PDE4D: variants seen among roughly 807,000 people sequenced by gnomAD.
The protein encoded by PDE4D is phosphodiesterase 4D.
Under a neutral mutation model 87.4 loss-of-function variants are expected in PDE4D, and 24 were observed. That is an observed-to-expected ratio of 0.27 (90% CI 0.20 to 0.39). The LOEUF is 0.39. Ranked by LOEUF, PDE4D falls within the 10% of genes least tolerant of loss-of-function variation. The probability of loss-of-function intolerance (pLI) is 1.00; values close to 1 mark genes in which losing one functional copy is unlikely to be tolerated. For missense variants in PDE4D, 714 were observed against 1,041.0 expected (o/e 0.69, Z 4.32); for synonymous variants, 384 against 383.2 (o/e 1.00, Z -0.02).
At chr5:60,192,537 T>C (rs1417626355) in intron 1 of PDE4D, among the ~76,000 whole-genome samples, 1 of 152,278 alleles carries the variant, frequency 6.6e-6, no homozygotes, top group Non-Finnish European at 1.5e-5. Flanking sequence ...AGTAAAGGAA[T>C]TGCTAAATAA....
rs187507765 is a variant in PDE4D, at chr5:60,013,235, A to G, written c.43-24518T>C. Among the ~76,000 whole-genome samples the G allele has an allele frequency of 2.1e-3, 316 of 152,244 alleles. 3 individuals carry two copies. Among genetic ancestry groups the G allele is most frequent in the Non-Finnish European group, 7.9e-4 (54 of 68,014 alleles). ...CTGATCTCAAACTTCCACCTCTCCC[A>G]AGGCCAACAGCTTTTGGCCAAGAAC... On this transcript the variant is annotated intron_variant, in intron 2 of 16. Transcript: ENST00000502484.
intron 1 of PDE4D, among the ~76,000 whole-genome samples, chr5:59,840,909 T>C (rs1349204392): frequency 6.6e-6 from 1 of 152,074 alleles, no homozygotes; most frequent in African/African-American, 2.4e-5. Flanking sequence ...AATTGATTCT[T>C]GAAGAAAGAT....
intron 1 of PDE4D, among the ~76,000 whole-genome samples, chr5:60,510,012 C>G (rs891271915): frequency 3.9e-5 from 6 of 152,056 alleles, no homozygotes; most frequent in Non-Finnish European, 7.4e-5. Context: ...ACAGCTAGTT[C>G]CAGCACAACA....
At chr5:59,173,597 C>T (rs186242488) in intron 5 of PDE4D, among the ~76,000 whole-genome samples, 1 of 152,254 alleles carries the variant, frequency 6.6e-6, no homozygotes, top group East Asian at 1.9e-4. Context: ...TTTATTAAAG[C>T]TATTAAACAC....
At chr5:59,961,295 C>T (rs889636990) in intron 3 of PDE4D, among the ~76,000 whole-genome samples, 1 of 143,208 alleles carries the variant, frequency 7.0e-6, no homozygotes, top group Non-Finnish European at 1.5e-5. Flanking sequence ...GACACAGAGA[C>T]CCAGATTAAA....
chr5:60,128,745 C>T (rs544370009), intron 2 of PDE4D, among the ~76,000 whole-genome samples: 195 of 152,276 alleles, frequency 1.3e-3, no homozygotes, highest in Non-Finnish European at 2.5e-3. Flanking sequence ...GGAAGCAACT[C>T]AGAGGGGCAG....
intron 1 of PDE4D, among the ~76,000 whole-genome samples, chr5:59,426,562 G>A (rs572002569): frequency 2.0e-5 from 3 of 152,140 alleles, no homozygotes; most frequent in South Asian, 4.2e-4. Context: ...AGCAAGGGAA[G>A]GACCCTCACC....
intron 1 of PDE4D, among the ~76,000 whole-genome samples, chr5:59,869,956 G>C (rs538767886): frequency 3.9e-5 from 6 of 152,240 alleles, no homozygotes; most frequent in Admixed American, 3.3e-4. Context: ...CACCTGCCCG[G>C]AGTCCAGCTT....
At chr5:59,789,540 T>C (rs2152643470) in intron 1 of PDE4D, among the ~76,000 whole-genome samples, 1 of 152,336 alleles carries the variant, frequency 6.6e-6, no homozygotes, top group Middle Eastern at 3.4e-3. Context: ...ATGATTGTAA[T>C]TTTCTTGGCT....
At chr5:59,135,384 G>C (rs560176388) in intron 5 of PDE4D, among the ~76,000 whole-genome samples, 1 of 152,198 alleles carries the variant, frequency 6.6e-6, no homozygotes, top group African/African-American at 2.4e-5. Flanking sequence ...GAGATGTTAG[G>C]GACATTATAA....
intron 1 of PDE4D, among the ~76,000 whole-genome samples, chr5:59,407,776 G>A (rs145022689): frequency 5.3e-5 from 8 of 152,332 alleles, no homozygotes; most frequent in Non-Finnish European, 8.8e-5. Flanking sequence ...ACCTGTGAAA[G>A]TTTGAACTTA....
At chr5:60,487,229 A>G (rs1420808302) in intron 1 of PDE4D, among the ~76,000 whole-genome samples, 1 of 152,146 alleles carries the variant, frequency 6.6e-6, no homozygotes, top group Non-Finnish European at 1.5e-5. Flanking sequence ...GCTTAATTTG[A>G]TCTGCTCCAA....
At chr5:59,096,319 A>T (rs1231599626) in intron 5 of PDE4D, among the ~76,000 whole-genome samples, 1 of 152,202 alleles carries the variant, frequency 6.6e-6, no homozygotes, top group Non-Finnish European at 1.5e-5. Flanking sequence ...CTTCTAGCTA[A>T]CCATGATCAA....
intron 2 of PDE4D, among the ~76,000 whole-genome samples, chr5:60,150,882 G>T (rs968600270): frequency 1.3e-5 from 2 of 152,116 alleles, no homozygotes; most frequent in Non-Finnish European, 2.9e-5. Context: ...CAGTAAAAAC[G>T]TGGGTATACT....
Position 59,293,963 on chromosome 5 carries a change from G to A in PDE4D, c.456-77995C>T, listed in dbSNP as rs536817131. Among the ~76,000 whole-genome samples, 8 of 152,288 alleles carry A rather than the reference G, an allele frequency of 5.3e-5. No homozygotes were observed. The South Asian group carries it at 1.0e-3, about 20-fold the overall frequency. On this transcript the variant is annotated intron_variant, in intron 1 of 14. Transcript: ENST00000340635. Reference sequence around the variant, plus strand: ...GCTCACCTATTCTGGTGAATTAGACGTATAAGCAGCCTGCTCCCAACTCCT... The same window carrying A: ...GCTCACCTATTCTGGTGAATTAGACATATAAGCAGCCTGCTCCCAACTCCT...
At chr5:60,403,973 A>G (rs1464670512) in intron 1 of PDE4D, among the ~76,000 whole-genome samples, 9 of 152,222 alleles carry the variant, frequency 5.9e-5, no homozygotes. Flanking sequence ...ATTGCAACAA[A>G]TGCCAATATT....
intron 3 of PDE4D, among the ~76,000 whole-genome samples, chr5:59,963,623 G>T (rs1423693774): frequency 6.6e-6 from 1 of 152,076 alleles, no homozygotes; most frequent in East Asian, 1.9e-4. Context: ...GATCTATTGT[G>T]AAAATACGTG....
chr5:59,506,682 A>T (rs1052035538), intron 1 of PDE4D, among the ~76,000 whole-genome samples: 24 of 152,348 alleles, frequency 1.6e-4, no homozygotes, highest in African/African-American at 5.0e-4. Flanking sequence ...TCCAGAAAAA[A>T]AAATTAATGC....
At chr5:60,238,777 T>C (rs1268745672) in intron 1 of PDE4D, among the ~76,000 whole-genome samples, 1 of 152,050 alleles carries the variant, frequency 6.6e-6, no homozygotes, top group Non-Finnish European at 1.5e-5. Flanking sequence ...ACTATAAATA[T>C]CTCCTATTCT....
Sources: gnomAD v4.1 joint callset for allele counts (sites outside exome capture counted in the v4.1 genomes callset) on GRCh38, gnomAD v4.1.1 for gene constraint, MANE v1.5 for transcripts, NCBI Gene and HGNC (gene_info 2026-07-23, HGNC 2026-07-21) for gene names.